The following DOCK3 variants were observed in gnomAD, a reference collection of about 807,000 sequenced individuals.
DOCK3 encodes dedicator of cytokinesis protein 3.
A neutral mutation model predicts 265.6 loss-of-function variants in DOCK3; 60 were observed. The ratio of observed to expected loss-of-function variants is 0.23; its 90% CI spans 0.18 to 0.28. The LOEUF (loss-of-function observed/expected upper bound fraction) is 0.28. DOCK3 is among the 10% of genes least tolerant of loss of function. The probability of loss-of-function intolerance (pLI) is 1.00; values close to 1 mark genes in which losing one functional copy is unlikely to be tolerated. For missense variants in DOCK3, 1,981 were observed against 2,594.3 expected (o/e 0.76, Z 5.14); for synonymous variants, 881 against 938.0 (o/e 0.94, Z 1.11).
At chr3:51,345,133 AG>A (rs2085477056) in intron 38 of DOCK3, among the ~76,000 whole-genome samples, 1 of 152,188 alleles carries the variant, frequency 6.6e-6, no homozygotes, top group African/African-American at 2.4e-5. Flanking sequence ...AAACTTAGCT[AG>A]CCCCCATGAA....
chr3:51,198,579 C>CAAAAA (rs33915233), intron 12 of DOCK3, among the ~76,000 whole-genome samples: 4 of 131,148 alleles, frequency 3.0e-5, no homozygotes, highest in Admixed American at 7.6e-5. Context: ...GACAGGTCAC[C>CAAAAA]AAAAAAAAAA....
chr3:51,374,865 C>T lies in DOCK3; in HGVS notation c.5412+278C>T, dbSNP rs1322329226. Among the ~76,000 whole-genome samples the T allele has an allele frequency of 1.3e-5, 2 of 152,192 alleles. No individual in the cohort carries two copies. The highest frequency in any genetic ancestry group is 6.5e-5 in the Admixed American group (1 of 15,282). ...TGTCCTTCCCGCCAGATCCTGGACT[C>T]GTCATCCCTAAACAGTCTAGCAAAG... On this transcript the variant is annotated intron_variant, in intron 50 of 52. Transcript: ENST00000266037. This position sits in a 1 kb window ranked among gnomAD's most constrained non-coding sequence, Gnocchi z 4.8.
chr3:51,130,196 A>G (rs907716954), intron 9 of DOCK3, among the ~76,000 whole-genome samples: 1 of 152,194 alleles, frequency 6.6e-6, no homozygotes, highest in Non-Finnish European at 1.5e-5. Context: ...CGTGTTTGCT[A>G]TTTCTTGCTC....
In DOCK3 at chr3:50,700,148, G is replaced by A. The variant is rs189522762; in HGVS notation, c.37+24848G>A. Among the ~76,000 whole-genome samples, 9 of 152,236 alleles carry A rather than the reference G, an allele frequency of 5.9e-5. No homozygotes were observed. In the East Asian group the frequency reaches 1.6e-3, roughly 26 times the overall value. On this transcript the variant is annotated intron_variant, in intron 1 of 52. Transcript: ENST00000266037. ...TATGAAATCAGCCAGATGTAGTGGT[G>A]CGTGCCTCTAATCCCAGCTACTTGG...
chr3:51,344,719 A>G (rs1253936039), intron 38 of DOCK3, among the ~76,000 whole-genome samples: 1 of 152,156 alleles, frequency 6.6e-6, no homozygotes, highest in Non-Finnish European at 1.5e-5. Context: ...TGCCTGAAGG[A>G]GGGAAACCAA....
chr3:50,956,687 G>C lies in DOCK3; in HGVS notation c.315+22610G>C, dbSNP rs572676566. Among the ~76,000 whole-genome samples, 4 of 152,254 alleles carry C rather than the reference G, an allele frequency of 2.6e-5. No individual in the cohort carries two copies. The South Asian group carries it at 6.2e-4, about 24-fold the overall frequency. On this transcript the variant is annotated intron_variant, in intron 5 of 52. Coordinates refer to ENST00000266037, the MANE Select transcript of DOCK3 (RefSeq NM_004947.5). ...TGTCATGGCCAAGCTGAAGCACATAGATTTTGTCTAGCTGAGTAGGCAAAA... is the reference window on the plus strand; with the variant it reads ...TGTCATGGCCAAGCTGAAGCACATACATTTTGTCTAGCTGAGTAGGCAAAA...
At chr3:50,682,847 G>A (rs573070884) in intron 1 of DOCK3, among the ~76,000 whole-genome samples, 7 of 152,366 alleles carry the variant, frequency 4.6e-5, no homozygotes, top group African/African-American at 1.7e-4. Context: ...GCTGAGGCAG[G>A]AGAATTGCTT....
chr3:51,083,346 A>G (rs1441041493), intron 7 of DOCK3, among the ~76,000 whole-genome samples: 1 of 152,228 alleles, frequency 6.6e-6, no homozygotes, highest in South Asian at 2.1e-4. Context: ...CAGCTGTTAC[A>G]CTGGATGCCC....
intron 1 of DOCK3, among the ~76,000 whole-genome samples, chr3:50,748,080 C>A (rs1576321949): frequency 6.6e-6 from 1 of 152,082 alleles, no homozygotes; most frequent in African/African-American, 2.4e-5. Flanking sequence ...AATTTGTATG[C>A]CTTTTATTTA....
chr3:51,124,154 G>A (rs1216950063), intron 9 of DOCK3, among the ~76,000 whole-genome samples: 1 of 152,154 alleles, frequency 6.6e-6, no homozygotes, highest in African/African-American at 2.4e-5. Flanking sequence ...AACCGCACCT[G>A]TGTATCCTCA....
chr3:50,854,359 GTTA>G (rs1166720524), intron 3 of DOCK3, among the ~76,000 whole-genome samples: 1 of 149,444 alleles, frequency 6.7e-6, no homozygotes, highest in Non-Finnish European at 1.5e-5. Flanking sequence ...TAAAGTCTTA[GTTA>G]TTATAATTAC....
chr3:50,766,633 T>C (rs1384696435), intron 1 of DOCK3, among the ~76,000 whole-genome samples: 1 of 152,180 alleles, frequency 6.6e-6, no homozygotes, highest in African/African-American at 2.4e-5. Flanking sequence ...TTTGGGCATA[T>C]ACCCAGTAAT....
At chr3:50,862,900 T>C (rs188825515) in intron 3 of DOCK3, among the ~76,000 whole-genome samples, 1 of 152,154 alleles carries the variant, frequency 6.6e-6, no homozygotes, top group African/African-American at 2.4e-5. Flanking sequence ...CAAACAACAC[T>C]TTCTCCAAGT....
At chr3:51,018,681 T>C (rs2079460483) in intron 5 of DOCK3, among the ~76,000 whole-genome samples, 1 of 151,838 alleles carries the variant, frequency 6.6e-6, no homozygotes, top group South Asian at 2.1e-4. Flanking sequence ...GGTAATTTTA[T>C]ATGCTGTTTT....
chr3:51,256,309 T>G lies in DOCK3; in HGVS notation c.2185-3847T>G, dbSNP rs1336207345. The stretch of plus-strand genomic sequence containing the variant: ...TGAGACACAGTCTCACTTACTCTGT[T>G]GCCCAGGCTGGAGTGCAGTGGCCTG... On this transcript the variant is annotated intron_variant, in intron 22 of 52. Transcript: ENST00000266037. 2.6e-5 allele frequency among the ~76,000 whole-genome samples: 4 copies of G among 152,234 alleles called. No homozygotes were observed. The East Asian group carries it at 7.7e-4, about 29-fold the overall frequency.
chr3:51,313,166 A>G (rs1316103506), intron 31 of DOCK3, among the ~76,000 whole-genome samples: 1 of 152,168 alleles, frequency 6.6e-6, no homozygotes. Flanking sequence ...GAAAAAAAAG[A>G]AAAGGAGGGC....
chr3:51,016,547 T>TC (rs2079259218), intron 5 of DOCK3, among the ~76,000 whole-genome samples: 1 of 15,830 alleles, frequency 6.3e-5, no homozygotes. Flanking sequence ...ATATATATAT[T>TC]TATATATATC....
intron 5 of DOCK3, among the ~76,000 whole-genome samples, chr3:50,968,748 C>T (rs930507493): frequency 1.3e-5 from 2 of 152,150 alleles, no homozygotes; most frequent in African/African-American, 4.8e-5. Flanking sequence ...CGGGGTTTCA[C>T]CATGTTGGCC....
chr3:51,071,358 T>A (rs1367889975), intron 6 of DOCK3, among the ~76,000 whole-genome samples: 1 of 152,216 alleles, frequency 6.6e-6, no homozygotes, highest in Non-Finnish European at 1.5e-5. Flanking sequence ...GAAGACTGTT[T>A]ACCTAAACAA....
Sources: gnomAD v4.1 joint callset for allele counts (sites outside exome capture counted in the v4.1 genomes callset) on GRCh38, gnomAD v4.1.1 for gene constraint, Gnocchi (gnomAD v3.1) non-coding constraint, MANE v1.5 for transcripts, NCBI Gene and HGNC (gene_info 2026-07-23, HGNC 2026-07-21) for gene names.